RNF8: variants seen among roughly 807,000 people sequenced by gnomAD.
The protein encoded by RNF8 is E3 ubiquitin-protein ligase RNF8.
A neutral mutation model predicts 59.3 loss-of-function variants in RNF8; 8 were observed. The observed-to-expected ratio is 0.13, with a 90% CI of 0.08 to 0.24. RNF8 has a LOEUF of 0.24. RNF8 is among the 10% of genes least tolerant of loss of function. RNF8 has a pLI of 1.00. For missense variants in RNF8, 406 were observed against 572.6 expected (o/e 0.71, Z 2.97); for synonymous variants, 162 against 200.0 (o/e 0.81, Z 1.60).
At chr6:37,357,795 A>G (rs1004050722) in intron 1 of RNF8, among the ~76,000 whole-genome samples, 2 of 152,202 alleles carry the variant, frequency 1.3e-5, no homozygotes, top group African/African-American at 4.8e-5. Flanking sequence ...CACCCACCCT[A>G]AAATCTTGAG....
Position 37,392,378 on chromosome 6 carries a change from A to G in RNF8, c.*1620A>G, listed in dbSNP as rs915816320. The G allele has an allele frequency of 7.5e-6, 3 of 398,418 alleles. No homozygotes were observed. Among genetic ancestry groups the G allele is most frequent in the Middle Eastern group, 6.3e-4 (1 of 1,588 alleles). The allele number at this position is 398,418 out of a possible 1,614,324, so 24.7% of individuals were successfully genotyped here. On this transcript the variant is annotated 3_prime_UTR_variant, in exon 8 of 8. Transcript: ENST00000373479. The stretch of plus-strand genomic sequence containing the variant: ...GACATACACTTTTTGAGTAGGCAAT[A>G]TGTTCACATAGTTTGAAATTAAAGG...
Position 37,360,625 on chromosome 6 carries a change from T to G in RNF8, c.240+51T>G. ...GACTTTTATTTGTTTTTAAATTACTTTTTTTTTTTTTTGCATAGGTAATTC... is the reference window on the plus strand; with the variant it reads ...GACTTTTATTTGTTTTTAAATTACTGTTTTTTTTTTTTGCATAGGTAATTC... On this transcript the variant is annotated intron_variant, in intron 2 of 7. Coordinates refer to ENST00000373479, the MANE Select transcript of RNF8 (RefSeq NM_003958.4). This position sits in a 1 kb window ranked among gnomAD's most constrained non-coding sequence, Gnocchi z 4.2. The G allele has an allele frequency of 2.0e-6, 2 of 1,011,764 alleles. No individual in the cohort carries two copies. Among genetic ancestry groups the G allele is most frequent in the Non-Finnish European group, 2.5e-6 (2 of 794,662 alleles). The allele number at this position is 1,011,764 out of a possible 1,614,324, so 62.7% of individuals were successfully genotyped here.
chr6:37,379,310 C>G (rs961534954), intron 6 of RNF8, among the ~76,000 whole-genome samples: 88 of 152,072 alleles, frequency 5.8e-4, no homozygotes, highest in African/African-American at 2.0e-3. Context: ...TGGCCAGATG[C>G]TTCATTTTTA....
Position 37,390,984 on chromosome 6 carries a change from C to T in RNF8, c.*226C>T. The T allele has an allele frequency of 1.5e-6, 1 of 652,872 alleles. No individual in the cohort carries two copies. The allele number at this position is 652,872 out of a possible 1,614,324, so 40.4% of individuals were successfully genotyped here. A position where few individuals can be genotyped will look rare whatever the true frequency, so the allele number is the denominator to read the frequency against. On this transcript the variant is annotated 3_prime_UTR_variant, in exon 8 of 8. Transcript: ENST00000373479. The stretch of plus-strand genomic sequence containing the variant: ...CAGGATTCACGGCACCCAACTGCTT[C>T]AGGGTACTTCGTAGACTCTGCCTCA...
In RNF8 at chr6:37,364,872, T is replaced by C. The variant is rs534141577; in HGVS notation, c.241-3612T>C. The stretch of plus-strand genomic sequence containing the variant: ...CAAACCTCTGCCTCCCGGGTTCAAG[T>C]GATTTTCCTGCCTCAGCCTCCCGAG... On this transcript the variant is annotated intron_variant, in intron 2 of 7. Coordinates refer to ENST00000373479, the MANE Select transcript of RNF8 (RefSeq NM_003958.4). 1.2e-4 allele frequency among the ~76,000 whole-genome samples: 19 copies of C among 152,214 alleles called. No homozygotes were observed. The East Asian group carries it at 3.5e-3, about 28-fold the overall frequency.
chr6:37,382,642 C>A (rs1370520941), intron 7 of RNF8, among the ~76,000 whole-genome samples: 1 of 152,090 alleles, frequency 6.6e-6, no homozygotes, highest in Non-Finnish European at 1.5e-5. Context: ...CACCTAAGTT[C>A]CTTCCCTGCA....
chr6:37,371,798 G>A (rs899496383), intron 4 of RNF8, among the ~76,000 whole-genome samples: 16 of 152,188 alleles, frequency 1.1e-4, no homozygotes, highest in African/African-American at 3.6e-4. Flanking sequence ...CTGAGCAGAA[G>A]TTGCTCTGGT....
intron 6 of RNF8, among the ~76,000 whole-genome samples, chr6:37,379,974 C>T (rs943958440): frequency 6.6e-6 from 1 of 152,106 alleles, no homozygotes; most frequent in Non-Finnish European, 1.5e-5. Flanking sequence ...AGTGCAGTAA[C>T]GCCATCATGG....
intron 7 of RNF8, among the ~76,000 whole-genome samples, chr6:37,385,252 A>G (rs550840042): frequency 8.7e-5 from 13 of 150,286 alleles, no homozygotes; most frequent in Non-Finnish European, 1.8e-4. Context: ...ACCTCAGGTG[A>G]TCCGCCCACC....
In RNF8 at chr6:37,393,192, G is replaced by T. The variant is rs1770772865; in HGVS notation, c.*2434G>T. 6.6e-6 allele frequency: 1 copy of T among 152,168 alleles called. No homozygotes were observed. Among genetic ancestry groups the T allele is most frequent in the Non-Finnish European group, 1.5e-5 (1 of 68,034 alleles). 9.4% of individuals were successfully genotyped at this position (152,168 alleles called of 1,614,324 possible). A position where few individuals can be genotyped will look rare whatever the true frequency, so the allele number is the denominator to read the frequency against. ...CCAGACTAGCGGAGTTTGAATCTTGGCCCTGCTGTTAGTAACTGTGTGAGC... is the reference window on the plus strand; with the variant it reads ...CCAGACTAGCGGAGTTTGAATCTTGTCCCTGCTGTTAGTAACTGTGTGAGC... On this transcript the variant is annotated 3_prime_UTR_variant, in exon 8 of 8. Coordinates refer to ENST00000373479, the MANE Select transcript of RNF8 (RefSeq NM_003958.4).
intron 7 of RNF8, among the ~76,000 whole-genome samples, chr6:37,383,419 C>T (rs569865395): frequency 1.3e-5 from 2 of 152,230 alleles, no homozygotes; most frequent in African/African-American, 4.8e-5. Flanking sequence ...TAAAAAGGAC[C>T]AAATTTAGGA....
chr6:37,372,296 C>G (rs1283641630), intron 4 of RNF8, among the ~76,000 whole-genome samples: 2 of 152,090 alleles, frequency 1.3e-5, no homozygotes, highest in African/African-American at 4.8e-5. Context: ...GGGAATTTAT[C>G]CTTTTATCGT....
rs1344167186 is a variant in RNF8, at chr6:37,381,211, G to A, written c.1298G>A (p.Arg433Gln). 4 of 1,614,032 alleles carry A rather than the reference G, an allele frequency of 2.5e-6. No individual in the cohort carries two copies. The highest frequency in any genetic ancestry group is 1.6e-4 in the Middle Eastern group (1 of 6,084). The change falls in exon 7 of 8, where the codon CGG becomes CAG. Residue 433 changes from arginine to glutamine, a missense_variant. Arg to Gln is a conservative substitution (Grantham distance 43). Coordinates refer to ENST00000373479, the MANE Select transcript of RNF8 (RefSeq NM_003958.4). ...CSYCINEWMK[R>Q]KIECPICRKD... ...TACTGTATCAATGAATGGATGAAGC[G>A]GAAGATAGAATGCCCCATTTGTCGG...
At chr6:37,375,540 A>G (rs1246126966) in intron 5 of RNF8, among the ~76,000 whole-genome samples, 2 of 152,100 alleles carry the variant, frequency 1.3e-5, no homozygotes, top group Non-Finnish European at 2.9e-5. Context: ...CACCCCCTCC[A>G]TGTACCAACC....
At chr6:37,361,288 C>A (rs1404059243) in intron 2 of RNF8, 2 of 454,744 alleles carry the variant, frequency 4.4e-6, no homozygotes, top group African/African-American at 4.0e-5. Context: ...CTATGCCATT[C>A]TGGTGTCTGC....
rs565512139 is a variant in RNF8 at position 37,387,783 on chromosome 6, A to G, written c.1442-2959A>G. Among the ~76,000 whole-genome samples, 7 of 152,320 alleles carry G rather than the reference A, an allele frequency of 4.6e-5. No homozygotes were observed. In the South Asian group the frequency reaches 1.4e-3, roughly 32 times the overall value. On this transcript the variant is annotated intron_variant, in intron 7 of 7. Coordinates refer to ENST00000373479, the MANE Select transcript of RNF8 (RefSeq NM_003958.4). ...GTTCCTTATAGTAAAGTCCTACAATATGAGAAATAAAGGGTGCTAAGTCAA... is the reference window on the plus strand; with the variant it reads ...GTTCCTTATAGTAAAGTCCTACAATGTGAGAAATAAAGGGTGCTAAGTCAA...
intron 6 of RNF8, among the ~76,000 whole-genome samples, chr6:37,378,600 CAAAAAAA>C (rs554259061): frequency 7.1e-5 from 4 of 56,556 alleles, no homozygotes; most frequent in Non-Finnish European, 1.6e-4. Context: ...GACTCCGTCT[CAAAAAAA>C]AAAAAAAAAA....
Position 37,390,806 on chromosome 6 carries a change from T to C in RNF8, c.*48T>C. 1 of 1,613,570 alleles carries C rather than the reference T, an allele frequency of 6.2e-7. No individual in the cohort carries two copies. The highest frequency in any genetic ancestry group is 8.5e-7 in the Non-Finnish European group (1 of 1,179,470). Reference sequence around the variant, plus strand: ...GAAAGACTGCCAGGTAGTGCGAGCCTGAGATGGTCTGGAGGATTCTCTCTA... The same window carrying C: ...GAAAGACTGCCAGGTAGTGCGAGCCCGAGATGGTCTGGAGGATTCTCTCTA... On this transcript the variant is annotated 3_prime_UTR_variant, in exon 8 of 8. Coordinates refer to ENST00000373479, the MANE Select transcript of RNF8 (RefSeq NM_003958.4).
At chr6:37,356,080 C>T (rs373919684) in intron 1 of RNF8, among the ~76,000 whole-genome samples, 70 of 152,142 alleles carry the variant, frequency 4.6e-4, no homozygotes, top group African/African-American at 1.5e-3. Context: ...ATGGGGAGGA[C>T]GAATTAAAGC....
Sources: allele counts gnomAD v4.1 joint callset (sites outside exome capture counted in the v4.1 genomes callset), GRCh38; gene constraint gnomAD v4.1.1; non-coding constraint Gnocchi (gnomAD v3.1); transcripts MANE v1.5; gene names NCBI Gene and HGNC (gene_info 2026-07-23, HGNC 2026-07-21).